Variants in RSBN1L observed in about 807,000 individuals in gnomAD.
The protein encoded by RSBN1L is round spermatid basic protein 1 like.
Under a neutral mutation model 67.7 loss-of-function variants are expected in RSBN1L, and 30 were observed. That is an observed-to-expected ratio of 0.44 (90% CI 0.33 to 0.60). The LOEUF is 0.60. Among genes scored for constraint, RSBN1L ranks in the 20% least tolerant of loss-of-function variants. The pLI is 0.02. For missense variants in RSBN1L, 992 were observed against 1,031.7 expected (o/e 0.96, Z 0.53); for synonymous variants, 433 against 387.0 (o/e 1.12, Z -1.39).
chr7:77,729,666 T>C (rs12673402), intron 1 of RSBN1L, among the ~76,000 whole-genome samples: 17,580 of 152,204 alleles, frequency 0.12, 1,538 homozygotes, highest in African/African-American at 0.24. Flanking sequence ...TTTAAAATTA[T>C]TTTAGGCTGG....
intron 2 of RSBN1L, among the ~76,000 whole-genome samples, chr7:77,748,697 G>T (rs1366342707): frequency 6.6e-6 from 1 of 151,866 alleles, no homozygotes; most frequent in Non-Finnish European, 1.5e-5. Context: ...CTTGGGCGGG[G>T]TGGTCTCGAA....
At chr7:77,720,763 C>CT (rs34070122) in intron 1 of RSBN1L, among the ~76,000 whole-genome samples, 3,625 of 104,336 alleles carry the variant, frequency 0.035, 217 homozygotes, top group African/African-American at 0.099. Flanking sequence ...TTTTCTTTTT[C>CT]TTTTTTTTTT....
intron 4 of RSBN1L, chr7:77,768,229 A>C (rs972125591): frequency 9.1e-5 from 14 of 154,252 alleles, no homozygotes; most frequent in South Asian, 8.0e-4. Context: ...GCTGAACAGA[A>C]ATATGTTTTG....
chr7:77,758,058 C>G (rs1411596407), intron 3 of RSBN1L, among the ~76,000 whole-genome samples: 3 of 151,996 alleles, frequency 2.0e-5, no homozygotes, highest in Non-Finnish European at 1.5e-5. Flanking sequence ...GAAAGAAATT[C>G]ATGATAATGC....
At chr7:77,759,051 TA>T (rs1791661799) in intron 3 of RSBN1L, among the ~76,000 whole-genome samples, 3 of 152,240 alleles carry the variant, frequency 2.0e-5, no homozygotes, top group Admixed American at 2.0e-4. Context: ...AAAAGTCTAT[TA>T]TTTTAATAAT....
In RSBN1L at chr7:77,696,717, C is replaced by T. The variant is rs573522778; in HGVS notation, c.248C>T (p.Pro83Leu). The change falls in exon 1 of 8, where the codon CCC (proline) becomes CTC (leucine). Residue 83 changes from proline to leucine, a missense_variant. Transcript: ENST00000334955. ...AAPSPQSYGS[P>L]ASWSFAPLSA... is the part of the protein sequence containing the mutation. ...CCTTCGCCTCAGAGCTATGGCAGCC[C>T]CGCGTCTTGGAGCTTTGCCCCTCTG... 1 of 1,613,616 alleles carries T rather than the reference C, an allele frequency of 6.2e-7. No homozygotes were observed. Among genetic ancestry groups the T allele is most frequent in the East Asian group, 2.2e-5 (1 of 44,866 alleles).
chr7:77,733,481 G>A (rs948049821), intron 1 of RSBN1L, among the ~76,000 whole-genome samples: 4 of 151,994 alleles, frequency 2.6e-5, no homozygotes, highest in African/African-American at 9.7e-5. Context: ...TATCATACCC[G>A]AGTGCATATT....
chr7:77,716,259 C>T (rs1313173942), intron 1 of RSBN1L, among the ~76,000 whole-genome samples: 3 of 152,108 alleles, frequency 2.0e-5, no homozygotes, highest in South Asian at 4.1e-4. Context: ...TTGAAAACTT[C>T]CGTCTGTAAG....
rs940900301 is a variant in RSBN1L, at chr7:77,781,995, A to G, written c.*2827A>G. The G allele has an allele frequency of 6.8e-6, 1 of 146,830 alleles. No individual in the cohort carries two copies. The highest frequency in any genetic ancestry group is 1.5e-5 in the Non-Finnish European group (1 of 66,640). The allele number at this position is 146,830 out of a possible 1,614,324, so 9.1% of individuals were successfully genotyped here. On this transcript the variant is annotated 3_prime_UTR_variant, in exon 8 of 8. Transcript: ENST00000334955. ...CTCAAAAAAAAAAAAAAAAAAAAGC[A>G]TACATCTCTGAAGGTAAAGTATAAA...
intron 2 of RSBN1L, among the ~76,000 whole-genome samples, chr7:77,740,987 T>TTTC (rs1554339835): frequency 1.4e-5 from 2 of 138,352 alleles, no homozygotes; most frequent in Non-Finnish European, 3.0e-5. Context: ...TTTCTTTTCT[T>TTTC]TTTTTTTTTT....
chr7:77,696,816 C>A lies in RSBN1L; in HGVS notation c.347C>A (p.Ala116Asp). ...GCTGGCACGGCCGTTCCCTCCTCAG[C>A]CTCCGCTTCCTTGTCTCAGCCGGTG... ...FSAGTAVPSS[A>D]SASLSQPVPR... The change falls in exon 1 of 8, where the codon GCC becomes GAC. Residue 116 changes from alanine (A) to aspartate (D), a missense_variant. This residue lies in a region of RSBN1L where 575 missense variants were observed against 483.2 expected (regional missense o/e 1.19). Transcript: ENST00000334955. The A allele has an allele frequency of 6.2e-7, 1 of 1,613,680 alleles. No homozygotes were observed. Among genetic ancestry groups the A allele is most frequent in the Non-Finnish European group, 8.5e-7 (1 of 1,180,000 alleles).
chr7:77,712,646 A>G (rs1053477039), intron 1 of RSBN1L, among the ~76,000 whole-genome samples: 1 of 152,190 alleles, frequency 6.6e-6, no homozygotes, highest in Non-Finnish European at 1.5e-5. Context: ...TTCATTTAGC[A>G]GTATATTAGA....
chr7:77,749,766 T>C lies in RSBN1L; in HGVS notation c.1046T>C (p.Ile349Thr). 6.2e-7 allele frequency: 1 copy of C among 1,614,202 alleles called. No individual in the cohort carries two copies. Among genetic ancestry groups the C allele is most frequent in the Admixed American group, 1.7e-5 (1 of 60,032 alleles). The change falls in exon 3 of 8, where the codon ATT becomes ACT. Residue 349 changes from isoleucine to threonine, a missense_variant. Physicochemically the swap from Ile to Thr is moderately conservative, Grantham distance 89. This residue lies in a region of RSBN1L where 575 missense variants were observed against 483.2 expected (regional missense o/e 1.19). Coordinates refer to ENST00000334955, the MANE Select transcript of RSBN1L (RefSeq NM_198467.3). ...GACACTTTGGAATTTAAACAACTCA[T>C]TCATATAGAGCACCAGCCTAATGGA... ...RLDTLEFKQL[I>T]HIEHQPNGGA...
intron 5 of RSBN1L, among the ~76,000 whole-genome samples, chr7:77,772,866 C>T (rs889902741): frequency 4.6e-5 from 7 of 152,216 alleles, no homozygotes; most frequent in South Asian, 2.1e-4. Flanking sequence ...GTACCCAAAC[C>T]CCAGGTAAAG....
At position 77,774,743 on chromosome 7, in the gene RSBN1L, CCAA is replaced by C. The variant is rs1038893519; in HGVS notation, c.1793+1439_1793+1441del. Among the ~76,000 whole-genome samples, 44 of 152,262 alleles carry C rather than the reference CCAA, an allele frequency of 2.9e-4. 2 individuals carry two copies. The East Asian group carries it at 5.0e-3, about 17-fold the overall frequency. ...ACAAGAGCAAAACTCCGTCCCACCA[CCAA>C]CAACAACAAAAAAAGATAATTTTGC... On this transcript the variant is annotated intron_variant, in intron 6 of 7. Coordinates refer to ENST00000334955, the MANE Select transcript of RSBN1L (RefSeq NM_198467.3).
intron 3 of RSBN1L, among the ~76,000 whole-genome samples, chr7:77,765,190 G>C (rs1174266331): frequency 6.6e-6 from 1 of 152,142 alleles, no homozygotes; most frequent in Non-Finnish European, 1.5e-5. Context: ...CTGTTCTAAG[G>C]AGATGTTAGT....
intron 3 of RSBN1L, among the ~76,000 whole-genome samples, chr7:77,763,233 C>T (rs1294540806): frequency 6.7e-6 from 1 of 149,172 alleles, no homozygotes; most frequent in African/African-American, 2.5e-5. Flanking sequence ...CTTGCCTCTG[C>T]CTTCTGGGTA....
At chr7:77,735,997 T>A (rs1157916271) in intron 1 of RSBN1L, among the ~76,000 whole-genome samples, 1 of 152,108 alleles carries the variant, frequency 6.6e-6, no homozygotes, top group Non-Finnish European at 1.5e-5. Context: ...GAGGAAGGTA[T>A]CAATTACCAT....
chr7:77,706,808 A>G (rs1790898815), intron 1 of RSBN1L, among the ~76,000 whole-genome samples: 1 of 152,318 alleles, frequency 6.6e-6, no homozygotes, highest in African/African-American at 2.4e-5. Context: ...GTGCTTGTAG[A>G]TAAAGATTGA....
Sources: gnomAD v4.1 joint callset for allele counts (sites outside exome capture counted in the v4.1 genomes callset) on GRCh38, gnomAD v4.1.1 for gene constraint, gnomAD v4.1.1 regional missense constraint, MANE v1.5 for transcripts, NCBI Gene and HGNC (gene_info 2026-07-23, HGNC 2026-07-21) for gene names.